Variants in GNAQ observed in about 807,000 individuals in gnomAD.
GNAQ encodes the protein guanine nucleotide-binding protein G(q) subunit alpha.
A neutral mutation model predicts 43.9 loss-of-function variants in GNAQ; 8 were observed. That is an observed-to-expected ratio of 0.18 (90% confidence interval 0.11 to 0.33). The LOEUF (loss-of-function observed/expected upper bound fraction) is 0.33, where lower values mean the gene tolerates loss of function less well. Ranked by LOEUF, GNAQ falls within the 10% of genes least tolerant of loss-of-function variation. The pLI is 1.00. For synonymous variants in GNAQ, 155 were observed against 170.7 expected (o/e 0.91, Z 0.71); for missense variants, 158 against 450.8 (o/e 0.35, Z 5.88).
chr9:78,012,790 G>T (rs923792949), intron 1 of GNAQ, among the ~76,000 whole-genome samples: 3 of 152,060 alleles, frequency 2.0e-5, no homozygotes, highest in Non-Finnish European at 2.9e-5. Context: ...CTTAAATGAG[G>T]TTCCTTAGGT....
chr9:77,925,150 C>A (rs911768177), intron 1 of GNAQ, among the ~76,000 whole-genome samples: 11 of 152,052 alleles, frequency 7.2e-5, no homozygotes, highest in Non-Finnish European at 1.3e-4. Context: ...CCAGCTCTTA[C>A]AAGTTACTTA....
At chr9:77,839,872 C>T (rs79533605) in intron 2 of GNAQ, among the ~76,000 whole-genome samples, 5,432 of 152,274 alleles carry the variant, frequency 0.036, 361 homozygotes, top group African/African-American at 0.12. Flanking sequence ...AATGCCTTCC[C>T]TAATACTTTA....
At chr9:77,977,542 T>C (rs182325894) in intron 1 of GNAQ, among the ~76,000 whole-genome samples, 32 of 152,080 alleles carry the variant, frequency 2.1e-4, no homozygotes, top group Middle Eastern at 3.4e-3. Flanking sequence ...TTTCAGGAAG[T>C]TCCTGGGAGG....
At chr9:77,959,267 C>A (rs1823078727) in intron 1 of GNAQ, among the ~76,000 whole-genome samples, 1 of 152,178 alleles carries the variant, frequency 6.6e-6, no homozygotes, top group Non-Finnish European at 1.5e-5. Flanking sequence ...CATATCCCAA[C>A]TTTCAGTCTA....
intron 1 of GNAQ, among the ~76,000 whole-genome samples, chr9:77,962,373 T>C (rs1319705993): frequency 6.6e-6 from 1 of 152,052 alleles, no homozygotes; most frequent in East Asian, 1.9e-4. Context: ...CATGAGGCAG[T>C]TCATAATCAT....
Position 77,794,610 on chromosome 9 carries a change from C to A in GNAQ, c.606-18G>T, listed in dbSNP as rs2118444751. 6.5e-7 allele frequency: 1 copy of A among 1,536,678 alleles called. No individual in the cohort carries two copies. The highest frequency in any genetic ancestry group is 1.2e-5 in the South Asian group (1 of 85,658). The stretch of plus-strand genomic sequence containing the variant: ...CGACCATTCTGCAAGGTTAACAATA[C>A]TCATATTAATAACATATAAAGTAAA... On this transcript the variant is annotated intron_variant, in intron 4 of 6. Coordinates refer to ENST00000286548, the MANE Select transcript of GNAQ (RefSeq NM_002072.5).
chr9:77,754,349 A>C (rs1825865076), intron 5 of GNAQ, among the ~76,000 whole-genome samples: 1 of 152,238 alleles, frequency 6.6e-6, no homozygotes, highest in African/African-American at 2.4e-5. Context: ...TAGCATCCCA[A>C]GCATCTAACA....
chr9:77,910,388 A>G (rs1189196957), intron 2 of GNAQ, among the ~76,000 whole-genome samples: 1 of 152,222 alleles, frequency 6.6e-6, no homozygotes, highest in Non-Finnish European at 1.5e-5. Flanking sequence ...TACTTGGTTT[A>G]AAAGAACAAG....
At chr9:77,739,163 A>G (rs1825615229) in intron 5 of GNAQ, among the ~76,000 whole-genome samples, 1 of 152,144 alleles carries the variant, frequency 6.6e-6, no homozygotes. Flanking sequence ...CTTAAGCGGG[A>G]GAGCTACCCT....
intron 2 of GNAQ, among the ~76,000 whole-genome samples, chr9:77,883,420 G>A (rs1019647870): frequency 9.9e-5 from 15 of 151,532 alleles, no homozygotes; most frequent in Non-Finnish European, 1.8e-4. Flanking sequence ...GGTAGGCTGA[G>A]GAACAGTGGT....
At chr9:77,952,348 T>C (rs1235811739) in intron 1 of GNAQ, among the ~76,000 whole-genome samples, 1 of 145,704 alleles carries the variant, frequency 6.9e-6, no homozygotes, top group Non-Finnish European at 1.5e-5. Context: ...TCCTTGCGTA[T>C]GTTGAATCCA....
chr9:77,795,639 G>T (rs377616443), intron 4 of GNAQ, among the ~76,000 whole-genome samples: 36 of 152,170 alleles, frequency 2.4e-4, no homozygotes, highest in African/African-American at 7.0e-4. Context: ...GAGATCTAAG[G>T]GGCAAAACAA....
At chr9:77,932,723 A>G (rs1419960675) in intron 1 of GNAQ, among the ~76,000 whole-genome samples, 1 of 152,214 alleles carries the variant, frequency 6.6e-6, no homozygotes, top group Non-Finnish European at 1.5e-5. Flanking sequence ...CTGGAGCATT[A>G]TATTTTAGGA....
rs114928031 is a variant in GNAQ at position 77,852,889 on chromosome 9, C to T, written c.322-37119G>A. The stretch of plus-strand genomic sequence containing the variant: ...GCACAGTGATTTCATCTTCATTTTT[C>T]CAGCGGAGAAACAAACAAAATAGGC... On this transcript the variant is annotated intron_variant, in intron 2 of 6. Transcript: ENST00000286548. Among the ~76,000 whole-genome samples the T allele has an allele frequency of 4.1e-3, 625 of 152,226 alleles. 1 individual carries two copies. Among genetic ancestry groups the T allele is most frequent in the African/African-American group, 0.014 (571 of 41,532 alleles).
At chr9:77,735,751 G>A (rs565468107) in intron 5 of GNAQ, among the ~76,000 whole-genome samples, 3 of 152,312 alleles carry the variant, frequency 2.0e-5, no homozygotes, top group Non-Finnish European at 4.4e-5. Context: ...TGCTCCAGAC[G>A]ATCTGGCAGG....
chr9:77,937,522 T>G (rs1280140201), intron 1 of GNAQ, among the ~76,000 whole-genome samples: 1 of 152,184 alleles, frequency 6.6e-6, no homozygotes, highest in Non-Finnish European at 1.5e-5. Context: ...TCACAATCCA[T>G]TTTAGAACGT....
At chr9:77,805,833 C>T (rs991397787) in intron 3 of GNAQ, among the ~76,000 whole-genome samples, 1 of 152,116 alleles carries the variant, frequency 6.6e-6, no homozygotes, top group Non-Finnish European at 1.5e-5. Flanking sequence ...GAGAAGGCTT[C>T]GAAATTATGC....
chr9:77,748,412 C>G (rs920739547), intron 5 of GNAQ, among the ~76,000 whole-genome samples: 1 of 152,192 alleles, frequency 6.6e-6, no homozygotes, highest in African/African-American at 2.4e-5. Flanking sequence ...CTGTTCCCAG[C>G]ACTCACTCCT....
intron 2 of GNAQ, among the ~76,000 whole-genome samples, chr9:77,865,669 C>A (rs960288925): frequency 6.6e-6 from 1 of 152,190 alleles, no homozygotes; most frequent in African/African-American, 2.4e-5. Context: ...CCAGCTCTGC[C>A]AGTCACAGTC....
Sources: gnomAD v4.1 joint callset for allele counts (sites outside exome capture counted in the v4.1 genomes callset) on GRCh38, gnomAD v4.1.1 for gene constraint, MANE v1.5 for transcripts, NCBI Gene and HGNC (gene_info 2026-07-23, HGNC 2026-07-21) for gene names.